SLC44A1: variants seen among roughly 807,000 people sequenced by gnomAD.
SLC44A1 encodes the protein choline transporter-like protein 1.
Under a neutral mutation model 79.3 loss-of-function variants are expected in SLC44A1, and 26 were observed. The observed-to-expected ratio is 0.33, with a 90% CI of 0.24 to 0.46. The LOEUF (loss-of-function observed/expected upper bound fraction) is 0.46, where lower values mean the gene tolerates loss of function less well. Ranked by LOEUF, SLC44A1 falls within the 20% of genes least tolerant of loss-of-function variation. The pLI, the probability that SLC44A1 is intolerant of heterozygous loss-of-function variation, is 1.00. For synonymous variants in SLC44A1, 263 were observed against 286.2 expected, an observed-to-expected ratio of 0.92 and a Z score of 0.82; for missense variants, 688 against 798.1, an observed-to-expected ratio of 0.86 and a Z score of 1.66.
chr9:105,438,193 C>T (rs1183768851), intron 15 of SLC44A1: 2 of 1,074,354 alleles, frequency 1.9e-6, no homozygotes, highest in African/African-American at 1.6e-5. Flanking sequence ...TAAAGACGAT[C>T]CCACACTATT....
At chr9:105,348,516 T>A in intron 5 of SLC44A1, 65 bp downstream of exon 5, 1 of 983,712 alleles carries the variant, frequency 1.0e-6, no homozygotes. Flanking sequence ...TTAAACAATA[T>A]ATGTTATTCT....
intron 5 of SLC44A1, among the ~76,000 whole-genome samples, chr9:105,351,608 A>AAG (rs1308821991): frequency 9.4e-5 from 9 of 95,998 alleles, no homozygotes; most frequent in African/African-American, 3.9e-4. Flanking sequence ...GAAAGAAAGA[A>AAG]AGAAAGAAAG....
At chr9:105,427,833 C>A (rs1190666833) in intron 15 of SLC44A1, among the ~76,000 whole-genome samples, 1 of 152,178 alleles carries the variant, frequency 6.6e-6, no homozygotes, top group Non-Finnish European at 1.5e-5. Context: ...CCGGCAGATA[C>A]TCATATCATC....
At chr9:105,428,674 T>C (rs1311353217) in intron 15 of SLC44A1, among the ~76,000 whole-genome samples, 1 of 152,228 alleles carries the variant, frequency 6.6e-6, no homozygotes, top group Non-Finnish European at 1.5e-5. Flanking sequence ...CTACTAGAAT[T>C]ATGACTATGA....
At chr9:105,409,017 A>G (rs903832978) in intron 15 of SLC44A1, among the ~76,000 whole-genome samples, 3 of 152,240 alleles carry the variant, frequency 2.0e-5, no homozygotes, top group South Asian at 2.1e-4. Context: ...AGAAAAATCA[A>G]TTAAACATAA....
At chr9:105,294,240 A>G (rs1410215636) in intron 1 of SLC44A1, among the ~76,000 whole-genome samples, 6 of 152,194 alleles carry the variant, frequency 3.9e-5, no homozygotes, top group African/African-American at 1.4e-4. Flanking sequence ...GGAAAATCTC[A>G]AACCTTCATT....
chr9:105,273,374 G>A (rs867942147), intron 1 of SLC44A1, among the ~76,000 whole-genome samples: 1 of 152,232 alleles, frequency 6.6e-6, no homozygotes, highest in Non-Finnish European at 1.5e-5. Flanking sequence ...TGGTGAATTA[G>A]AAGGGGGTGG....
At chr9:105,307,372 G>C (rs532469280) in intron 2 of SLC44A1, among the ~76,000 whole-genome samples, 1 of 152,080 alleles carries the variant, frequency 6.6e-6, no homozygotes, top group Non-Finnish European at 1.5e-5. Context: ...GGCCACACGC[G>C]GTGGCTCACG....
At chr9:105,250,007 T>C (rs867795519) in intron 1 of SLC44A1, among the ~76,000 whole-genome samples, 29 of 151,756 alleles carry the variant, frequency 1.9e-4, no homozygotes, top group African/African-American at 6.3e-4. Flanking sequence ...TAGCTGAGAC[T>C]ATAGGCACGA....
intron 15 of SLC44A1, among the ~76,000 whole-genome samples, chr9:105,414,996 T>A (rs1312627679): frequency 2.0e-5 from 3 of 152,102 alleles, no homozygotes; most frequent in South Asian, 4.1e-4. Flanking sequence ...GGTGGGATAC[T>A]CACCCATCAA....
chr9:105,406,825 G>A (rs1829035309), intron 15 of SLC44A1, among the ~76,000 whole-genome samples: 1 of 152,206 alleles, frequency 6.6e-6, no homozygotes, highest in Middle Eastern at 3.4e-3. Context: ...TCAATCAACT[G>A]TCTTAAATAT....
chr9:105,372,678 C>T (rs1029491266), intron 12 of SLC44A1, among the ~76,000 whole-genome samples: 1 of 150,416 alleles, frequency 6.6e-6, no homozygotes, highest in African/African-American at 2.4e-5. Context: ...AGGCCGGGCG[C>T]GGTGGCTCAC....
At chr9:105,412,758 C>G (rs770140227) in intron 15 of SLC44A1, among the ~76,000 whole-genome samples, 4 of 152,056 alleles carry the variant, frequency 2.6e-5, no homozygotes, top group African/African-American at 9.7e-5. Flanking sequence ...CCTGCCACCA[C>G]GCCCGGCTAA....
At chr9:105,290,114 C>T (rs1470857065) in intron 1 of SLC44A1, among the ~76,000 whole-genome samples, 1 of 152,106 alleles carries the variant, frequency 6.6e-6, no homozygotes, top group East Asian at 1.9e-4. Context: ...CCGCACCTGG[C>T]CTGTAAGTCA....
chr9:105,279,899 G>C (rs966561853), intron 1 of SLC44A1, among the ~76,000 whole-genome samples: 1 of 152,164 alleles, frequency 6.6e-6, no homozygotes, highest in Non-Finnish European at 1.5e-5. Context: ...TCAAGTGTTA[G>C]CAATAACCAG....
Position 105,244,678 on chromosome 9 carries a change from G to T in SLC44A1, c.-191G>T. ...ACGCGTAGCCGCCGTCGCCGCCGCC[G>T]GGGGATGTGGCCGGCGCCTGCCTCT... On this transcript the variant is annotated 5_prime_UTR_variant, in exon 1 of 16. Transcript: ENST00000374720. 1 of 281,280 alleles carries T rather than the reference G, an allele frequency of 3.6e-6. No individual in the cohort carries two copies. Among genetic ancestry groups the T allele is most frequent in the Non-Finnish European group, 6.6e-6 (1 of 152,410 alleles). 17.4% of individuals were successfully genotyped at this position (281,280 alleles called of 1,614,324 possible).
intron 2 of SLC44A1, among the ~76,000 whole-genome samples, chr9:105,306,425 T>C: frequency 6.6e-6 from 1 of 152,190 alleles, no homozygotes. Context: ...AATTTTTCTT[T>C]TTAAAGAGAT....
intron 15 of SLC44A1, among the ~76,000 whole-genome samples, chr9:105,403,359 A>G (rs1828982701): frequency 6.6e-6 from 1 of 151,998 alleles, no homozygotes; most frequent in Non-Finnish European, 1.5e-5. Flanking sequence ...TATGGCTCTT[A>G]AATTGGGATT....
In SLC44A1 at chr9:105,404,631, A is replaced by AGTT. The variant is rs1391171711; in HGVS notation, c.1950+19129_1950+19130insGTT. On this transcript the variant is annotated intron_variant, in intron 15 of 15. Coordinates refer to the SLC44A1 transcript ENST00000374724. ...CCTGTGCTGTAGGACTACGATGATA[A>AGTT]ATAAATGAACTTAGGGGATAGGAAT... Among the ~76,000 whole-genome samples, 377 of 152,356 alleles carry AGTT rather than the reference A, an allele frequency of 2.5e-3. 5 individuals are homozygous for AGTT. The highest frequency in any genetic ancestry group is 3.4e-3 in the Middle Eastern group (1 of 294).
Sources: allele counts gnomAD v4.1 joint callset (sites outside exome capture counted in the v4.1 genomes callset), GRCh38; gene constraint gnomAD v4.1.1; transcripts MANE v1.5; gene names NCBI Gene and HGNC (gene_info 2026-07-23, HGNC 2026-07-21).